The following PDHX variants were observed in gnomAD, a reference collection of about 807,000 sequenced individuals.
PDHX encodes pyruvate dehydrogenase complex component X, also known as pyruvate dehydrogenase protein X component, mitochondrial.
PDHX carries 33 observed loss-of-function variants against 55.3 expected under a neutral mutation model. The observed-to-expected ratio is 0.60, with a 90% CI of 0.45 to 0.80. The LOEUF (loss-of-function observed/expected upper bound fraction) is 0.80. Among genes scored for constraint, PDHX ranks in the 30% least tolerant of loss-of-function variants. The probability of loss-of-function intolerance (pLI) is 0.00; values close to 1 mark genes in which losing one functional copy is unlikely to be tolerated. For synonymous variants in PDHX, 226 were observed against 219.4 expected (o/e 1.03, Z -0.27); for missense variants, 622 against 619.9 (o/e 1.00, Z -0.04).
chr11:34,950,518 C>T (rs1342184027), intron 3 of PDHX, among the ~76,000 whole-genome samples: 2 of 149,492 alleles, frequency 1.3e-5, no homozygotes, highest in Admixed American at 6.7e-5. Flanking sequence ...AATGCTATCC[C>T]TCCCCCTTCC....
chr11:34,924,727 T>G (rs1853976446), intron 1 of PDHX, among the ~76,000 whole-genome samples: 1 of 152,154 alleles, frequency 6.6e-6, no homozygotes, highest in Non-Finnish European at 1.5e-5. Context: ...AATATTTCAT[T>G]TAGCACAATA....
chr11:34,994,202 A>T (rs1855813662), intron 10 of PDHX, among the ~76,000 whole-genome samples: 1 of 152,158 alleles, frequency 6.6e-6, no homozygotes, highest in South Asian at 2.1e-4. Flanking sequence ...TACACACCTT[A>T]GCTGTATGAT....
chr11:34,973,136 A>G (rs1027259123), intron 7 of PDHX, among the ~76,000 whole-genome samples: 1 of 152,162 alleles, frequency 6.6e-6, no homozygotes, highest in Non-Finnish European at 1.5e-5. Flanking sequence ...CCACATACAC[A>G]GTTAGGAATT....
At chr11:34,963,881 C>A (rs1286873043) in intron 5 of PDHX, among the ~76,000 whole-genome samples, 1 of 152,184 alleles carries the variant, frequency 6.6e-6, no homozygotes, top group African/African-American at 2.4e-5. Context: ...GCCCCAATGT[C>A]TTTGGTACAT....
chr11:34,930,844 G>A (rs561379753), intron 1 of PDHX, among the ~76,000 whole-genome samples: 4 of 152,298 alleles, frequency 2.6e-5, no homozygotes, highest in South Asian at 4.1e-4. Context: ...TCCTTGACAA[G>A]GCAAACGTTT....
chr11:34,949,238 T>G (rs906802590), intron 3 of PDHX, among the ~76,000 whole-genome samples: 1 of 149,726 alleles, frequency 6.7e-6, no homozygotes, highest in Non-Finnish European at 1.5e-5. Context: ...TTTTCTTCTG[T>G]TTTTTGTTTT....
At chr11:34,975,905 A>G (rs1440561979) in intron 7 of PDHX, among the ~76,000 whole-genome samples, 1 of 152,182 alleles carries the variant, frequency 6.6e-6, no homozygotes, top group Admixed American at 6.6e-5. Context: ...GAGTTTCAAG[A>G]TTTCATATAA....
At chr11:34,937,041 C>T (rs767462369) in intron 2 of PDHX, among the ~76,000 whole-genome samples, 17 of 152,010 alleles carry the variant, frequency 1.1e-4, no homozygotes, top group Non-Finnish European at 2.1e-4. Flanking sequence ...ACCTTGGCCT[C>T]CCAAAGTGCC....
At chr11:34,946,893 C>A (rs1457259972) in intron 2 of PDHX, among the ~76,000 whole-genome samples, 3 of 152,198 alleles carry the variant, frequency 2.0e-5, no homozygotes, top group Admixed American at 1.3e-4. Context: ...CAAACCTGCT[C>A]CTAAATCCAG....
At chr11:34,972,349 T>C (rs1855274800) in intron 7 of PDHX, among the ~76,000 whole-genome samples, 1 of 152,080 alleles carries the variant, frequency 6.6e-6, no homozygotes, top group African/African-American at 2.4e-5. Flanking sequence ...TATAGTACTC[T>C]TGAATTATCT....
chr11:34,922,706 G>A (rs751689487), intron 1 of PDHX, among the ~76,000 whole-genome samples: 1 of 152,148 alleles, frequency 6.6e-6, no homozygotes, highest in Non-Finnish European at 1.5e-5. Flanking sequence ...TCTTGACTAC[G>A]TGTAAGGGTG....
chr11:34,927,948 G>A (rs1486840670), intron 1 of PDHX, among the ~76,000 whole-genome samples: 1 of 152,060 alleles, frequency 6.6e-6, no homozygotes, highest in Non-Finnish European at 1.5e-5. Context: ...CATGAAGGGT[G>A]ACTAAGGAAC....
chr11:34,946,282 C>A (rs1336953784), intron 2 of PDHX, among the ~76,000 whole-genome samples: 1 of 151,614 alleles, frequency 6.6e-6, no homozygotes, highest in Non-Finnish European at 1.5e-5. Flanking sequence ...CTACCTGATA[C>A]CATTTTTTTT....
At chr11:34,969,382 C>T (rs1165739918) in intron 6 of PDHX, among the ~76,000 whole-genome samples, 5 of 147,962 alleles carry the variant, frequency 3.4e-5, no homozygotes, top group Non-Finnish European at 7.4e-5. Context: ...CTTGCTCTGT[C>T]GCCCAGGCTG....
rs1491574898 is a variant in PDHX, at chr11:34,939,504, T to TGTGTGTGTGTGC, written c.242-8001_242-8000insTGTGTGTGTGCG. Among the ~76,000 whole-genome samples the TGTGTGTGTGTGC allele has an allele frequency of 2.3e-3, 336 of 148,510 alleles. 2 individuals carry two copies. Among genetic ancestry groups the TGTGTGTGTGTGC allele is most frequent in the African/African-American group, 7.9e-3 (312 of 39,270 alleles). ...GTGTGTGTGTGTGTGTGTGTGTGTG[T>TGTGTGTGTGTGC]GCACTTGCATGCGCGCAGCGTTTTA... On this transcript the variant is annotated intron_variant, in intron 2 of 10. Coordinates refer to ENST00000227868, the MANE Select transcript of PDHX (RefSeq NM_003477.3).
At chr11:34,916,882 A>G in intron 1 of PDHX, 67 bp downstream of exon 1, 1 of 1,417,542 alleles carries the variant, frequency 7.1e-7, no homozygotes. Context: ...AGGGGCAGTT[A>G]TGATTGAGGG....
intron 10 of PDHX, among the ~76,000 whole-genome samples, chr11:34,993,875 G>A (rs76702455): frequency 0.036 from 5,439 of 152,074 alleles, 122 homozygotes; most frequent in Middle Eastern, 0.082. Context: ...CTGTGAATAT[G>A]GTAGAAACCA....
At chr11:34,979,872 G>A (rs1310428937) in intron 8 of PDHX, among the ~76,000 whole-genome samples, 1 of 151,846 alleles carries the variant, frequency 6.6e-6, no homozygotes. Flanking sequence ...TTCATTAAAT[G>A]AATTTGGATT....
intron 2 of PDHX, 40 bp from the exon 3 acceptor site, chr11:34,947,466 A>G (rs763318159): frequency 1.5e-5 from 20 of 1,307,866 alleles, no homozygotes; most frequent in South Asian, 3.6e-5. Context: ...AGTAATATTT[A>G]TATTTTAAAA....
Sources: allele counts gnomAD v4.1 joint callset (sites outside exome capture counted in the v4.1 genomes callset), GRCh38; gene constraint gnomAD v4.1.1; transcripts MANE v1.5; gene names NCBI Gene and HGNC (gene_info 2026-07-23, HGNC 2026-07-21).